EIF2AK3: variants seen among roughly 807,000 people sequenced by gnomAD.
The protein encoded by EIF2AK3 is eukaryotic translation initiation factor 2-alpha kinase 3.
Under a neutral mutation model 113.5 loss-of-function variants are expected in EIF2AK3, and 50 were observed. That is an observed-to-expected ratio of 0.44 (90% confidence interval 0.35 to 0.56). The LOEUF is 0.56. EIF2AK3 is among the 20% of genes least tolerant of loss of function. The pLI is 0.00. For synonymous variants in EIF2AK3, 448 were observed against 495.4 expected (o/e 0.90, Z 1.27); for missense variants, 1,185 against 1,378.0 (o/e 0.86, Z 2.22).
At chr2:88,559,826 A>G (rs182059438) in intron 15 of EIF2AK3, among the ~76,000 whole-genome samples, 1 of 152,178 alleles carries the variant, frequency 6.6e-6, no homozygotes, top group Non-Finnish European at 1.5e-5. Context: ...TTCATTGTAT[A>G]AAATACCACA....
At position 88,561,908 on chromosome 2, in the gene EIF2AK3, T is replaced by C. The variant is rs373879098; in HGVS notation, c.3087+381A>G. Among the ~76,000 whole-genome samples the C allele has an allele frequency of 2.8e-4, 42 of 152,342 alleles. No homozygotes were observed. In the South Asian group the frequency reaches 7.5e-3, roughly 27 times the overall value. On this transcript the variant is annotated intron_variant, in intron 15 of 16. Transcript: ENST00000303236. ...CTATCTGCTTTAAAGGCTGTGGTCA[T>C]GGTTTATTTTGAGAGGAAAGAAACC... is the stretch of plus-strand genomic sequence containing the variant.
chr2:88,559,603 G>A (rs896402043), intron 15 of EIF2AK3, among the ~76,000 whole-genome samples: 7 of 149,938 alleles, frequency 4.7e-5, no homozygotes, highest in African/African-American at 1.7e-4. Flanking sequence ...AAGAGAAAGG[G>A]GAGAGAGAGA....
chr2:88,619,229 G>A (rs547027255), intron 1 of EIF2AK3, among the ~76,000 whole-genome samples: 2 of 152,252 alleles, frequency 1.3e-5, no homozygotes, highest in East Asian at 1.9e-4. Flanking sequence ...GACCTCAGGT[G>A]ATCTGCCCGC....
At chr2:88,622,908 T>A (rs745871050) in intron 1 of EIF2AK3, among the ~76,000 whole-genome samples, 2 of 152,226 alleles carry the variant, frequency 1.3e-5, no homozygotes, top group Admixed American at 6.5e-5. Context: ...AGAAATTATA[T>A]CATCTTATAT....
At chr2:88,597,988 G>C (rs557879436) in intron 2 of EIF2AK3, among the ~76,000 whole-genome samples, 2 of 152,226 alleles carry the variant, frequency 1.3e-5, no homozygotes, top group Non-Finnish European at 2.9e-5. Flanking sequence ...AGAAATGGCA[G>C]ATTCCAGGGC....
chr2:88,592,078 C>T (rs1358418763), intron 4 of EIF2AK3, among the ~76,000 whole-genome samples: 1 of 152,014 alleles, frequency 6.6e-6, no homozygotes, highest in Admixed American at 6.6e-5. Context: ...GGTTCATTTT[C>T]AAAAGATAAA....
chr2:88,590,373 G>T, intron 6 of EIF2AK3, 70 bp downstream of exon 6: 1 of 1,529,274 alleles, frequency 6.5e-7, no homozygotes. Flanking sequence ...CCTGAAGTAG[G>T]AAGGAACAAT....
chr2:88,593,267 C>T lies in EIF2AK3; in HGVS notation c.767+5G>A, dbSNP rs1299011565. The T allele has an allele frequency of 1.2e-6, 2 of 1,613,976 alleles. No individual in the cohort carries two copies. The highest frequency in any genetic ancestry group is 1.1e-5 in the South Asian group (1 of 91,078). On this transcript the variant is annotated splice_donor_5th_base_variant and intron_variant, in intron 4 of 16. Transcript: ENST00000303236. Reference sequence around the variant, plus strand: ...TACCAACAGCAACATTATCTGAATACACACTTCTCATTGCCACTGCGAGGT... The same window carrying T: ...TACCAACAGCAACATTATCTGAATATACACTTCTCATTGCCACTGCGAGGT...
chr2:88,594,164 T>C (rs541536405), intron 3 of EIF2AK3: 10 of 152,664 alleles, frequency 6.6e-5, no homozygotes, highest in African/African-American at 2.4e-4. Flanking sequence ...ATTGTTAAAG[T>C]TGAAAAATGC....
At chr2:88,601,840 T>TC (rs946516717) in intron 2 of EIF2AK3, among the ~76,000 whole-genome samples, 13 of 147,204 alleles carry the variant, frequency 8.8e-5, no homozygotes, top group East Asian at 3.9e-4. Flanking sequence ...TTTTCTTTTT[T>TC]TTTTTTTTTT....
intron 1 of EIF2AK3, among the ~76,000 whole-genome samples, chr2:88,623,698 CTTTTT>C: frequency 6.6e-6 from 1 of 152,084 alleles, no homozygotes; most frequent in East Asian, 1.9e-4. Context: ...GGGTTTTTAT[CTTTTT>C]TTAAGAGCAT....
chr2:88,627,128 C>A lies in EIF2AK3; in HGVS notation c.147G>T (p.Ala49=). The change falls in exon 1 of 17, where the codon GCG becomes GCT. Residue 49 remains alanine (A), a synonymous_variant. Transcript: ENST00000303236. The part of the protein sequence containing the change: ...PTAEAAFGLG[A]AAAPTSATRV... ...GCGTCGCTGAGGTGGGAGCAGCGGC[C>A]GCCCCGAGGCCGAACGCCGCCTCCG... is the stretch of plus-strand genomic sequence containing the variant. 6.8e-7 allele frequency: 1 copy of A among 1,463,580 alleles called. No individual in the cohort carries two copies. Among genetic ancestry groups the A allele is most frequent in the Non-Finnish European group, 9.0e-7 (1 of 1,115,514 alleles). The allele number at this position is 1,463,580 out of a possible 1,614,324, so 90.7% of individuals were successfully genotyped here. A position where few individuals can be genotyped will look rare whatever the true frequency, so the allele number is the denominator to read the frequency against.
intron 14 of EIF2AK3, among the ~76,000 whole-genome samples, chr2:88,566,249 C>A (rs1391534935): frequency 1.3e-5 from 2 of 152,170 alleles, no homozygotes; most frequent in Non-Finnish European, 2.9e-5. Context: ...AATTTATCTC[C>A]AAATGGAACT....
Position 88,588,776 on chromosome 2 carries a change from ATTTGAT to A in EIF2AK3, c.1285_1290del (p.Ile429_Lys430del). On this transcript the variant is annotated inframe_deletion, in exon 7 of 17. Transcript: ENST00000303236. ...ATTCACTTACGAATTAAGGGTTTCC[ATTTGAT>A]TGTTGGTAAAGGAATAATTGCGTTT... The A allele has an allele frequency of 6.2e-7, 1 of 1,613,732 alleles. No homozygotes were observed. The highest frequency in any genetic ancestry group is 8.5e-7 in the Non-Finnish European group (1 of 1,179,794).
intron 2 of EIF2AK3, among the ~76,000 whole-genome samples, chr2:88,613,167 T>C (rs1675494798): frequency 6.6e-6 from 1 of 152,110 alleles, no homozygotes; most frequent in South Asian, 2.1e-4. Flanking sequence ...CAGAGTAATT[T>C]TGGAAGCGAG....
At chr2:88,625,127 G>C (rs1675826735) in intron 1 of EIF2AK3, among the ~76,000 whole-genome samples, 3 of 152,188 alleles carry the variant, frequency 2.0e-5, no homozygotes, top group Non-Finnish European at 4.4e-5. Context: ...GGAGTGTGGG[G>C]TGGTGCCCCA....
chr2:88,557,972 C>T (rs372724944), intron 16 of EIF2AK3, 36 bp from the exon 17 acceptor site: 3 of 1,587,052 alleles, frequency 1.9e-6, no homozygotes, highest in Middle Eastern at 1.7e-4. Context: ...ATAAAACGGC[C>T]AGGTTTGATC....
chr2:88,556,757 T>G lies in EIF2AK3; in HGVS notation c.*979A>C, dbSNP rs1673786041. The G allele has an allele frequency of 6.6e-6, 1 of 152,210 alleles. No homozygotes were observed. Among genetic ancestry groups the G allele is most frequent in the Admixed American group, 6.5e-5 (1 of 15,268 alleles). 9.4% of individuals were successfully genotyped at this position (152,210 alleles called of 1,614,324 possible). A position where few individuals can be genotyped will look rare whatever the true frequency, so the allele number is the denominator to read the frequency against. Reference sequence around the variant, plus strand: ...TCAACATACTTAATTTAAAAAAAGTTTTATTAAATCATTTAGACTTGAAAG... The same window carrying G: ...TCAACATACTTAATTTAAAAAAAGTGTTATTAAATCATTTAGACTTGAAAG... On this transcript the variant is annotated 3_prime_UTR_variant, in exon 17 of 17. Transcript: ENST00000303236.
chr2:88,590,774 G>T, intron 5 of EIF2AK3, 44 bp downstream of exon 5: 2 of 1,605,792 alleles, frequency 1.2e-6, no homozygotes, highest in Non-Finnish European at 1.7e-6. Context: ...GGTCAGACTG[G>T]GAGAGGAAGA....
Sources: gnomAD v4.1 joint callset for allele counts (sites outside exome capture counted in the v4.1 genomes callset) on GRCh38, gnomAD v4.1.1 for gene constraint, MANE v1.5 for transcripts, NCBI Gene and HGNC (gene_info 2026-07-23, HGNC 2026-07-21) for gene names.